Variants in ZC3H3 observed in about 807,000 individuals in gnomAD.
ZC3H3 encodes zinc finger CCCH-type containing 3.
ZC3H3 carries 36 observed loss-of-function variants against 77.3 expected under a neutral mutation model. That is an observed-to-expected ratio of 0.47 (90% CI 0.36 to 0.61). ZC3H3 has a LOEUF of 0.61. ZC3H3 is among the 20% of genes least tolerant of loss of function. The pLI, the probability that ZC3H3 is intolerant of heterozygous loss-of-function variation, is 0.00. For synonymous variants in ZC3H3, 626 were observed against 555.2 expected (o/e 1.13, Z -1.79); for missense variants, 1,331 against 1,312.2 (o/e 1.01, Z -0.22).
At chr8:143,472,790 C>T (rs565344475) in intron 5 of ZC3H3, among the ~76,000 whole-genome samples, 18 of 152,352 alleles carry the variant, frequency 1.2e-4, no homozygotes, top group South Asian at 4.1e-4. Flanking sequence ...GTGGGTCCCG[C>T]GGGTGCACGG....
At chr8:143,490,942 T>C (rs1821183824) in intron 4 of ZC3H3, among the ~76,000 whole-genome samples, 1 of 152,196 alleles carries the variant, frequency 6.6e-6, no homozygotes, top group South Asian at 2.1e-4. Context: ...ACTATGTAAA[T>C]GATACTTTAC....
chr8:143,468,701 G>A, intron 5 of ZC3H3, 42 bp from the exon 6 acceptor site: 1 of 1,532,840 alleles, frequency 6.5e-7, no homozygotes, highest in Non-Finnish European at 8.8e-7. Flanking sequence ...GCCACAGCCT[G>A]GCCCGCACGC....
At chr8:143,528,765 G>A (rs932778338) in intron 3 of ZC3H3, among the ~76,000 whole-genome samples, 1 of 152,150 alleles carries the variant, frequency 6.6e-6, no homozygotes, top group Non-Finnish European at 1.5e-5. Flanking sequence ...CCACCTTCCC[G>A]CCCATGGCCT....
intron 4 of ZC3H3, among the ~76,000 whole-genome samples, chr8:143,499,667 G>C (rs1215824963): frequency 6.6e-6 from 1 of 151,862 alleles, no homozygotes; most frequent in Non-Finnish European, 1.5e-5. Flanking sequence ...CAGGCTCTTT[G>C]TGTGAGCTGC....
At chr8:143,496,740 C>T (rs575208121) in intron 4 of ZC3H3, among the ~76,000 whole-genome samples, 5 of 152,356 alleles carry the variant, frequency 3.3e-5, no homozygotes, top group Admixed American at 2.6e-4. Flanking sequence ...AAGTAACCTG[C>T]TCCGCAGAGA....
chr8:143,463,539 G>A (rs1230685588), intron 9 of ZC3H3, among the ~76,000 whole-genome samples: 1 of 152,238 alleles, frequency 6.6e-6, no homozygotes, highest in Non-Finnish European at 1.5e-5. Flanking sequence ...GACGCCGGCC[G>A]CGGATCAGAA....
intron 4 of ZC3H3, among the ~76,000 whole-genome samples, chr8:143,500,561 A>G (rs968481501): frequency 1.3e-5 from 2 of 152,240 alleles, no homozygotes; most frequent in African/African-American, 4.8e-5. Flanking sequence ...CGTCATTTAT[A>G]CAGAAAACAA....
chr8:143,510,714 G>A (rs565146256), intron 3 of ZC3H3, among the ~76,000 whole-genome samples: 2 of 152,344 alleles, frequency 1.3e-5, no homozygotes, highest in African/African-American at 4.8e-5. Flanking sequence ...TCCTCCCTGA[G>A]GACACAGGCC....
chr8:143,443,309 A>G (rs559124313), intron 9 of ZC3H3, among the ~76,000 whole-genome samples: 1 of 147,310 alleles, frequency 6.8e-6, no homozygotes, highest in Non-Finnish European at 1.5e-5. Flanking sequence ...AAAAAAAAAG[A>G]ACTTTTTGAA....
At chr8:143,498,865 G>GGGGGTACAGGGCGGGGCGGA in intron 4 of ZC3H3, among the ~76,000 whole-genome samples, 2 of 119,866 alleles carry the variant, frequency 1.7e-5, no homozygotes, top group East Asian at 4.7e-4. Context: ...GGGCAGGGCA[G>GGGGGTACAGGGCGGGGCGGA]GGGGTACAGG....
At chr8:143,540,982 A>AC (rs1214361155) in intron 1 of ZC3H3, among the ~76,000 whole-genome samples, 1 of 152,146 alleles carries the variant, frequency 6.6e-6, no homozygotes, top group Non-Finnish European at 1.5e-5. Flanking sequence ...CAAGGAAGGA[A>AC]CCCGCGTGCG....
chr8:143,453,866 C>T (rs924461541), intron 9 of ZC3H3, among the ~76,000 whole-genome samples: 3 of 152,020 alleles, frequency 2.0e-5, no homozygotes, highest in Admixed American at 6.6e-5. Flanking sequence ...GTAGGGTTTC[C>T]ACACTTCACT....
chr8:143,440,261 G>T lies in ZC3H3; in HGVS notation c.2595C>A (p.Ala865=), dbSNP rs752913248. 8 of 1,593,426 alleles carry T rather than the reference G, an allele frequency of 5.0e-6. No individual in the cohort carries two copies. The East Asian group carries it at 1.8e-4, about 36-fold the overall frequency. ...AGGAAGCCTTCGAGGATGAGGGAGA[G>T]GCTGACCCCCCTGGGCAGTGGGGAG... The part of the protein sequence containing the change: ...AAPPHCPGGS[A]SPSSSKASSS... The change falls in exon 11 of 12, where the codon GCC becomes GCA. Residue 865 remains alanine (A), a synonymous_variant. Coordinates refer to ENST00000262577, the MANE Select transcript of ZC3H3 (RefSeq NM_015117.3).
chr8:143,538,635 GC>G lies in ZC3H3; in HGVS notation c.731del (p.Gly244AlafsTer22). The stretch of plus-strand genomic sequence containing the variant: ...CCACGGAATGAGAACCCAGCTTCCG[GC>G]CCAGGGCCACGCCAGTGCGTGGGGG... The part of the protein sequence containing the change: ...ALPPRTGVAL[G>X]RKLGSHSVAS... On this transcript the variant is annotated frameshift_variant, in exon 2 of 12. Coordinates refer to ENST00000262577, the MANE Select transcript of ZC3H3 (RefSeq NM_015117.3). LOFTEE classifies it high-confidence loss of function. 6.2e-7 allele frequency: 1 copy of G among 1,608,966 alleles called. No individual in the cohort carries two copies.
chr8:143,440,618 A>G (rs993341626), intron 10 of ZC3H3, among the ~76,000 whole-genome samples: 1 of 152,066 alleles, frequency 6.6e-6, no homozygotes, highest in Non-Finnish European at 1.5e-5. Flanking sequence ...CCACACCCAC[A>G]TGGCAGGTGG....
rs777989677 is a variant in ZC3H3, at chr8:143,539,057, G to A, written c.310C>T (p.Pro104Ser). The A allele has an allele frequency of 1.2e-6, 2 of 1,612,992 alleles. No individual in the cohort carries two copies. The highest frequency in any genetic ancestry group is 1.1e-5 in the South Asian group (1 of 91,078). Reference sequence around the variant, plus strand: ...TCAAGGACATGCTGCTGCGGGACAGGAGGCTGGCCCCCCCGGGCCCCGTGC... The same window carrying A: ...TCAAGGACATGCTGCTGCGGGACAGAAGGCTGGCCCCCCCGGGCCCCGTGC... ...PLHGARGGQP[P>S]VPQQHVLERQ... The change falls in exon 2 of 12, where the codon CCT becomes TCT. Residue 104 changes from proline to serine, a missense_variant. Coordinates refer to ENST00000262577, the MANE Select transcript of ZC3H3 (RefSeq NM_015117.3).
rs1334222251 is a variant in ZC3H3 at position 143,536,357 on chromosome 8, G to A, written c.1461C>T (p.Ser487=). ...RRRQALRGKS[S]PVLKKTPNKG... ...TGTTGGGGGTCTTCTTCAGGACAGG[G>A]CTGCTCTTCCCCCTGAGGGCCTGTC... The change falls in exon 3 of 12, where the codon AGC becomes AGT. Residue 487 remains serine, a synonymous_variant. Transcript: ENST00000262577. The A allele has an allele frequency of 3.1e-6, 5 of 1,604,798 alleles. No homozygotes were observed. The highest frequency in any genetic ancestry group is 3.4e-6 in the Non-Finnish European group (4 of 1,176,048).
intron 3 of ZC3H3, among the ~76,000 whole-genome samples, chr8:143,527,824 CA>C (rs1281912862): frequency 6.6e-6 from 1 of 152,162 alleles, no homozygotes. Context: ...CACACCGGGC[CA>C]AAGCACCCAA....
intron 11 of ZC3H3, among the ~76,000 whole-genome samples, chr8:143,438,897 C>A (rs1819652389): frequency 6.6e-6 from 1 of 152,220 alleles, no homozygotes; most frequent in African/African-American, 2.4e-5. Context: ...GACCCGTCAG[C>A]CTGCCCCTGC....
Sources: gnomAD v4.1 joint callset for allele counts (sites outside exome capture counted in the v4.1 genomes callset) on GRCh38, gnomAD v4.1.1 for gene constraint, MANE v1.5 for transcripts, NCBI Gene and HGNC (gene_info 2026-07-23, HGNC 2026-07-21) for gene names.